SLC12A7: variants seen among roughly 807,000 people sequenced by gnomAD.
The protein encoded by SLC12A7 is solute carrier family 12 member 7, also known as K-Cl cotransporter 4.
SLC12A7 carries 100 observed loss-of-function variants against 120.6 expected under a neutral mutation model. The ratio of observed to expected loss-of-function variants is 0.83; its 90% CI spans 0.71 to 0.98. The LOEUF (loss-of-function observed/expected upper bound fraction) is 0.98. SLC12A7 is among the 50% of genes least tolerant of loss of function. The pLI, the probability that SLC12A7 is intolerant of heterozygous loss-of-function variation, is 0.00. For missense variants in SLC12A7, 1,373 were observed against 1,548.1 expected, an observed-to-expected ratio of 0.89 and a Z score of 1.90; for synonymous variants, 760 against 678.0, an observed-to-expected ratio of 1.12 and a Z score of -1.88.
At chr5:1,140,990 T>G in the SLC12A7 span, among the ~76,000 whole-genome samples, 2 of 151,646 alleles carry the variant, frequency 1.3e-5, no homozygotes, top group African/African-American at 4.8e-5. Flanking sequence ...AGGGGGAGGG[T>G]GGACACGGGA....
the SLC12A7 span, among the ~76,000 whole-genome samples, chr5:1,144,155 C>A: frequency 6.6e-6 from 1 of 152,008 alleles, no homozygotes; most frequent in Non-Finnish European, 1.5e-5. Flanking sequence ...GACGTGGACG[C>A]ACCCACCAAC....
At chr5:1,078,560 C>A in intron 11 of SLC12A7, 141 bp downstream of exon 11, 4 of 713,502 alleles carry the variant, frequency 5.6e-6, no homozygotes, top group Non-Finnish European at 5.0e-6. Context: ...ACCAAGGGAT[C>A]CCAACCCTGG....
chr5:1,086,752 G>A (rs1739901223), intron 6 of SLC12A7, 151 bp downstream of exon 6: 5 of 1,066,674 alleles, frequency 4.7e-6, no homozygotes, highest in Non-Finnish European at 1.4e-6. Context: ...CTTCCGCCAT[G>A]GCCAGAGCCC....
Position 1,085,431 on chromosome 5 carries a change from C to T in SLC12A7, c.718G>A (p.Ala240Thr), listed in dbSNP as rs770908489. ...PGAAIFQAEA[A>T]GGEAAAMLHN... ...AGCATGGCGGCCGCCTCGCCACCTG[C>T]AGCCTCCGCCTGGAAGATGGCCGCA... The change falls in exon 7 of 24, where the codon GCA (alanine) becomes ACA (threonine). Residue 240 changes from alanine (A) to threonine (T), a missense_variant. Ala to Thr is a moderately conservative substitution (Grantham distance 58). Transcript: ENST00000264930. The T allele has an allele frequency of 3.1e-6, 5 of 1,609,552 alleles. No individual in the cohort carries two copies. The highest frequency in any genetic ancestry group is 3.4e-5 in the Admixed American group (2 of 59,696).
chr5:1,116,645 A>G (rs939830996), upstream of SLC12A7, among the ~76,000 whole-genome samples: 10 of 152,234 alleles, frequency 6.6e-5, no homozygotes, highest in Non-Finnish European at 1.0e-4. Flanking sequence ...AGGAGGCTCC[A>G]GGATTTTTAG....
At chr5:1,092,993 C>T (rs1010605505) in intron 3 of SLC12A7, among the ~76,000 whole-genome samples, 4 of 152,168 alleles carry the variant, frequency 2.6e-5, no homozygotes, top group East Asian at 1.9e-4. Flanking sequence ...TTCCACACCT[C>T]GTCACCCACA....
At position 1,102,002 on chromosome 5, in the gene SLC12A7, C is replaced by T. The variant is rs1742068465; in HGVS notation, c.125-7754G>A. Among the ~76,000 whole-genome samples the T allele has an allele frequency of 3.3e-5, 5 of 152,244 alleles. No homozygotes were observed. In the South Asian group the frequency reaches 1.0e-3, roughly 32 times the overall value. ...GAGGCAACCTCCGGTCTGTTTTTCA[C>T]TCTAGGTTAGTTTTCCAGACACCTT... On this transcript the variant is annotated intron_variant, in intron 1 of 23. Transcript: ENST00000264930.
chr5:1,091,379 A>C (rs914338582), intron 3 of SLC12A7, among the ~76,000 whole-genome samples: 2 of 152,194 alleles, frequency 1.3e-5, no homozygotes, highest in African/African-American at 4.8e-5. Context: ...TTGGAGCTGG[A>C]TGTCCAGGCC....
In SLC12A7 at chr5:1,075,954, C is replaced by T. The variant is rs1046773491; in HGVS notation, c.1847+184G>A. 3.6e-5 allele frequency: 21 copies of T among 587,202 alleles called. 1 individual carries two copies. The highest frequency in any genetic ancestry group is 1.7e-4 in the South Asian group (8 of 46,030). The allele number at this position is 587,202 out of a possible 1,614,324, so 36.4% of individuals were successfully genotyped here. ...GTCTCATCAGCTGCGCAGGGGCTTACTCCGCAAAGGAACAGTCAAGGACGC... is the reference window on the plus strand; with the variant it reads ...GTCTCATCAGCTGCGCAGGGGCTTATTCCGCAAAGGAACAGTCAAGGACGC... On this transcript the variant is annotated intron_variant, in intron 14 of 23. Coordinates refer to ENST00000264930, the MANE Select transcript of SLC12A7 (RefSeq NM_006598.3).
At chr5:1,153,542 G>T in the SLC12A7 span, among the ~76,000 whole-genome samples, 1 of 152,146 alleles carries the variant, frequency 6.6e-6, no homozygotes, top group Non-Finnish European at 1.5e-5. Context: ...GGGTCGGCCC[G>T]ACTCAGGACC....
intron 21 of SLC12A7, among the ~76,000 whole-genome samples, chr5:1,058,566 G>A (rs1167401427): frequency 6.6e-6 from 1 of 152,226 alleles, no homozygotes; most frequent in African/African-American, 2.4e-5. Context: ...AAAGCCAAAG[G>A]TCCAGAGTGA....
At chr5:1,084,159 C>CACTGGGGACCGGGGACCGGGG (rs1739542087) in intron 7 of SLC12A7, among the ~76,000 whole-genome samples, 3 of 151,506 alleles carry the variant, frequency 2.0e-5, no homozygotes, top group Admixed American at 6.6e-5. Flanking sequence ...CCAGGGATCA[C>CACTGGGGACCGGGGACCGGGG]ACTGGGGACC....
intron 17 of SLC12A7, among the ~76,000 whole-genome samples, chr5:1,066,614 G>A (rs1737081437): frequency 6.6e-6 from 1 of 152,202 alleles, no homozygotes; most frequent in Non-Finnish European, 1.5e-5. Flanking sequence ...TGGATGTATT[G>A]AAGAACCCTG....
intron 20 of SLC12A7, among the ~76,000 whole-genome samples, chr5:1,063,398 C>T (rs1010465406): frequency 1.9e-4 from 29 of 152,274 alleles, no homozygotes; most frequent in Admixed American, 1.1e-3. Flanking sequence ...AGGTCCTGGA[C>T]GGGGTCCCGG....
the SLC12A7 span, among the ~76,000 whole-genome samples, chr5:1,139,396 C>T: frequency 6.6e-6 from 1 of 152,282 alleles, no homozygotes; most frequent in South Asian, 2.1e-4. Flanking sequence ...TACATCCTCA[C>T]GAGGGCCCTG....
intron 17 of SLC12A7, among the ~76,000 whole-genome samples, chr5:1,067,316 G>A (rs772978326): frequency 1.9e-4 from 29 of 152,252 alleles, no homozygotes; most frequent in Admixed American, 2.0e-4. Context: ...GGCTGGAGGC[G>A]GACGCTGCGG....
chr5:1,078,833 TG>T, intron 10 of SLC12A7, 75 bp from the exon 11 acceptor site: 8 of 24,006 alleles, frequency 3.3e-4, no homozygotes, highest in Admixed American at 2.0e-3. Flanking sequence ...TGGGGTGGGG[TG>T]GGGTGGGTGG....
At position 1,077,854 on chromosome 5, in the gene SLC12A7, G is replaced by A. The variant is rs41280373; in HGVS notation, c.1608C>T (p.Asp536=). 1,005 of 1,592,046 alleles carry A rather than the reference G, an allele frequency of 6.3e-4. No individual in the cohort carries two copies. Among genetic ancestry groups the A allele is most frequent in the Admixed American group, 1.0e-3 (60 of 57,274 alleles). Reference sequence around the variant, plus strand: ...TCACCTGCAGGAAGGGGACGATGCCGTCACGGGCAATGGCCTGCAGTAGGC... The same window carrying A: ...TCACCTGCAGGAAGGGGACGATGCCATCACGGGCAATGGCCTGCAGTAGGC... The part of the protein sequence containing the change: ...APRLLQAIAR[D]GIVPFLQVFG... The change falls in exon 12 of 24, where the codon GAC becomes GAT. Residue 536 remains aspartate, a synonymous_variant. Coordinates refer to ENST00000264930, the MANE Select transcript of SLC12A7 (RefSeq NM_006598.3).
the SLC12A7 span, among the ~76,000 whole-genome samples, chr5:1,123,335 G>A: frequency 6.3e-4 from 96 of 152,198 alleles, no homozygotes; most frequent in East Asian, 1.7e-3. Flanking sequence ...CCCCGGCTCC[G>A]AGGAGGGGAG....
Sources: allele counts gnomAD v4.1 joint callset (sites outside exome capture counted in the v4.1 genomes callset), GRCh38; gene constraint gnomAD v4.1.1; transcripts MANE v1.5; gene names NCBI Gene and HGNC (gene_info 2026-07-23, HGNC 2026-07-21).